The following TENM2 variants were observed in gnomAD, a reference collection of about 807,000 sequenced individuals.
TENM2 encodes teneurin-2.
In TENM2, 52 loss-of-function variants were observed where a neutral mutation model predicts 245.2. That is an observed-to-expected ratio of 0.21 (90% CI 0.17 to 0.27). The LOEUF (loss-of-function observed/expected upper bound fraction) is 0.27. Ranked by LOEUF, TENM2 falls within the 10% of genes least tolerant of loss-of-function variation. The pLI is 1.00. For synonymous variants in TENM2, 1,363 were observed against 1,438.9 expected, an observed-to-expected ratio of 0.95 and a Z score of 1.19; for missense variants, 3,046 against 3,666.8, an observed-to-expected ratio of 0.83 and a Z score of 4.37.
intron 9 of TENM2, among the ~76,000 whole-genome samples, chr5:168,100,834 T>A (rs145057449): frequency 6.6e-6 from 1 of 151,094 alleles, no homozygotes; most frequent in Non-Finnish European, 1.5e-5. Context: ...GCAAACCAGA[T>A]GACAGGTTGA....
At chr5:167,951,058 C>G (rs1291623438) in intron 3 of TENM2, among the ~76,000 whole-genome samples, 1 of 152,180 alleles carries the variant, frequency 6.6e-6, no homozygotes. Flanking sequence ...ATTTTTCCTT[C>G]TTGTTTTTGT....
chr5:167,776,609 A>G lies in TENM2; in HGVS notation c.503-99377A>G, dbSNP rs1264146752. On this transcript the variant is annotated intron_variant, in intron 2 of 28. Coordinates refer to ENST00000518659, the Ensembl canonical transcript of TENM2. The stretch of plus-strand genomic sequence containing the variant: ...ACCCTGTCTGAAAAAAAAAAAAAAA[A>G]AAAAAAAAAAAAAAAAACCATATAT... Among the ~76,000 whole-genome samples the G allele has an allele frequency of 7.8e-3, 770 of 98,780 alleles. 22 individuals are homozygous for G. The highest frequency in any genetic ancestry group is 0.031 in the African/African-American group (724 of 23,022). The allele number at this position is 98,780 out of a possible 152,430, so 64.8% of individuals were successfully genotyped here. A position where few individuals can be genotyped will look rare whatever the true frequency, so the allele number is the denominator to read the frequency against.
chr5:168,050,232 C>A (rs181345504), intron 6 of TENM2, among the ~76,000 whole-genome samples: 1 of 152,126 alleles, frequency 6.6e-6, no homozygotes, highest in East Asian at 1.9e-4. Context: ...GAGATCAGAT[C>A]TCTTCTTAAG....
the TENM2 span, among the ~76,000 whole-genome samples, chr5:167,215,737 A>C: frequency 6.6e-6 from 1 of 152,236 alleles, no homozygotes; most frequent in Non-Finnish European, 1.5e-5. Flanking sequence ...CCTGTGGTTG[A>C]AGGGCCAAAA....
chr5:167,458,486 C>CAAAAAAAAAAAAAGAAAAAAAAAA (rs1466388818), intron 2 of TENM2, among the ~76,000 whole-genome samples: 1 of 35,760 alleles, frequency 2.8e-5, no homozygotes, highest in Non-Finnish European at 6.7e-5. Flanking sequence ...GACTCCGTCT[C>CAAAAAAAAAAAAAGAAAAAAAAAA]AAAAAAACAA....
At chr5:167,434,809 A>G (rs1395676076) in intron 2 of TENM2, among the ~76,000 whole-genome samples, 1 of 152,222 alleles carries the variant, frequency 6.6e-6, no homozygotes, top group Admixed American at 6.5e-5. Flanking sequence ...ATTTATGGAC[A>G]GCATCTATTC....
intron 5 of TENM2, among the ~76,000 whole-genome samples, chr5:168,039,900 G>C (rs752659669): frequency 4.6e-5 from 7 of 152,024 alleles, no homozygotes; most frequent in Non-Finnish European, 1.0e-4. Flanking sequence ...GGAGACAAGG[G>C]GAGGGACGCT....
At chr5:167,589,618 A>T (rs910983153) in intron 2 of TENM2, among the ~76,000 whole-genome samples, 1 of 151,982 alleles carries the variant, frequency 6.6e-6, no homozygotes, top group Non-Finnish European at 1.5e-5. Context: ...GAAAATTTAG[A>T]AAAAAAATTG....
intron 2 of TENM2, among the ~76,000 whole-genome samples, chr5:167,871,147 C>T (rs1400855006): frequency 1.3e-5 from 2 of 152,082 alleles, no homozygotes; most frequent in Non-Finnish European, 2.9e-5. Context: ...GGAGTGAGAG[C>T]ACTATGGTTT....
At chr5:167,037,177 T>C in the TENM2 span, among the ~76,000 whole-genome samples, 4 of 152,238 alleles carry the variant, frequency 2.6e-5, no homozygotes, top group Admixed American at 2.0e-4. Context: ...TTTATTGCTT[T>C]CCTCAGTTCT....
chr5:167,744,280 G>A (rs972866658), intron 2 of TENM2, among the ~76,000 whole-genome samples: 21 of 152,260 alleles, frequency 1.4e-4, no homozygotes, highest in Middle Eastern at 3.4e-3. Context: ...AAGAAAAAGC[G>A]TCAGGAGATC....
chr5:166,997,930 A>G, the TENM2 span, among the ~76,000 whole-genome samples: 1 of 152,168 alleles, frequency 6.6e-6, no homozygotes, highest in Non-Finnish European at 1.5e-5. Flanking sequence ...TCAGAAAATA[A>G]TAAGGACTTT....
chr5:167,510,580 C>T (rs1769878964), intron 2 of TENM2, among the ~76,000 whole-genome samples: 1 of 130,754 alleles, frequency 7.6e-6, no homozygotes, highest in Non-Finnish European at 1.6e-5. Flanking sequence ...CAATGCTTAT[C>T]AAGAAAGGAG....
chr5:167,448,827 T>A (rs2127471329), intron 2 of TENM2, among the ~76,000 whole-genome samples: 1 of 152,170 alleles, frequency 6.6e-6, no homozygotes, highest in South Asian at 2.1e-4. Context: ...CCATGGTGGC[T>A]GAAGGATGAT....
chr5:166,994,223 A>G, the TENM2 span, among the ~76,000 whole-genome samples: 1 of 152,220 alleles, frequency 6.6e-6, no homozygotes, highest in Non-Finnish European at 1.5e-5. Context: ...TTTGTGAAAG[A>G]TAGCAAAATT....
At chr5:167,017,294 G>C in the TENM2 span, among the ~76,000 whole-genome samples, 2 of 152,114 alleles carry the variant, frequency 1.3e-5, no homozygotes, top group East Asian at 3.9e-4. Context: ...TGAATATCAG[G>C]TCTTACTTAT....
chr5:167,604,675 T>G (rs1177082726), intron 2 of TENM2, among the ~76,000 whole-genome samples: 1 of 152,194 alleles, frequency 6.6e-6, no homozygotes, highest in African/African-American at 2.4e-5. Flanking sequence ...AGGATAGAAA[T>G]GAGACACATC....
chr5:167,356,671 A>G (rs549458977), intron 1 of TENM2, among the ~76,000 whole-genome samples: 73 of 152,328 alleles, frequency 4.8e-4, no homozygotes, highest in African/African-American at 1.5e-3. Context: ...GATGATATCA[A>G]TAATAGAACA....
At chr5:167,675,783 G>A (rs978251881) in intron 2 of TENM2, among the ~76,000 whole-genome samples, 24 of 152,044 alleles carry the variant, frequency 1.6e-4, no homozygotes, top group African/African-American at 4.8e-4. Context: ...AATGAAAACA[G>A]AAGCAATTGT....
Sources: allele counts gnomAD v4.1 joint callset (sites outside exome capture counted in the v4.1 genomes callset), GRCh38; gene constraint gnomAD v4.1.1; transcripts MANE v1.5; gene names NCBI Gene and HGNC (gene_info 2026-07-23, HGNC 2026-07-21).